ELMO1: variants seen among roughly 807,000 people sequenced by gnomAD.
ELMO1 encodes engulfment and cell motility protein 1.
Under a neutral mutation model 98.9 loss-of-function variants are expected in ELMO1, and 26 were observed. The observed-to-expected ratio is 0.26, with a 90% CI of 0.19 to 0.36. The LOEUF (loss-of-function observed/expected upper bound fraction) is 0.36. Among genes scored for constraint, ELMO1 ranks in the 10% least tolerant of loss-of-function variants. The probability of loss-of-function intolerance (pLI) is 1.00; values close to 1 mark genes in which losing one functional copy is unlikely to be tolerated. For synonymous variants in ELMO1, 346 were observed against 346.0 expected (o/e 1.00, Z 0.00); for missense variants, 627 against 935.2 (o/e 0.67, Z 4.30).
chr7:36,966,370 G>A (rs1344175547), intron 16 of ELMO1, among the ~76,000 whole-genome samples: 3 of 152,168 alleles, frequency 2.0e-5, no homozygotes, highest in Non-Finnish European at 4.4e-5. Flanking sequence ...GTGTAACACT[G>A]AATATTAAGA....
rs116973231 is a variant in ELMO1 at position 37,104,255 on chromosome 7, T to C, written c.1192-7528A>G. Among the ~76,000 whole-genome samples the C allele has an allele frequency of 2.6e-5, 4 of 151,294 alleles. No homozygotes were observed. The East Asian group carries it at 5.9e-4, about 22-fold the overall frequency. On this transcript the variant is annotated intron_variant, in intron 14 of 21. Transcript: ENST00000310758. ...GAAGAATATAATTGTTACTGTAAAA[T>C]ATATTTGGTGTGTTAAAATTATATG...
intron 15 of ELMO1, among the ~76,000 whole-genome samples, chr7:37,093,115 G>A (rs6946199): frequency 0.011 from 1,646 of 151,982 alleles, 27 homozygotes; most frequent in African/African-American, 0.038. Context: ...TTTGGACCAC[G>A]CTATTAGAGG....
intron 14 of ELMO1, chr7:37,116,742 G>A (rs2541103): frequency 0.12 from 18,530 of 151,814 alleles, 1,668 homozygotes; most frequent in African/African-American, 0.25. Flanking sequence ...TGCTAAGTAA[G>A]AAAGTCTGAA....
chr7:37,271,667 C>T (rs79055895), intron 5 of ELMO1, 165 bp downstream of exon 5: 30,487 of 680,446 alleles, frequency 0.045, 897 homozygotes, highest in African/African-American at 0.08. Flanking sequence ...AGTGGGAAAT[C>T]TACGGAGGGG....
chr7:37,057,705 G>A (rs1219695379), intron 15 of ELMO1, among the ~76,000 whole-genome samples: 2 of 152,116 alleles, frequency 1.3e-5, no homozygotes, highest in South Asian at 2.1e-4. Context: ...ACACACACAC[G>A]CACATGCCCA....
chr7:37,181,081 G>C (rs1790834404), intron 13 of ELMO1, among the ~76,000 whole-genome samples: 1 of 152,096 alleles, frequency 6.6e-6, no homozygotes, highest in Non-Finnish European at 1.5e-5. Context: ...TTAATTTTAT[G>C]TTATGTGAAT....
At chr7:36,959,834 C>A (rs1788794527) in intron 16 of ELMO1, among the ~76,000 whole-genome samples, 1 of 152,164 alleles carries the variant, frequency 6.6e-6, no homozygotes, top group African/African-American at 2.4e-5. Context: ...GCACGTGTGA[C>A]CATGCCTGCC....
chr7:37,394,089 C>T (rs1562662927), intron 1 of ELMO1, among the ~76,000 whole-genome samples: 1 of 152,022 alleles, frequency 6.6e-6, no homozygotes, highest in Non-Finnish European at 1.5e-5. Context: ...TCATTCATGC[C>T]ACTTATATTT....
At chr7:37,426,590 A>G (rs1264536476) in intron 1 of ELMO1, among the ~76,000 whole-genome samples, 2 of 152,208 alleles carry the variant, frequency 1.3e-5, no homozygotes, top group African/African-American at 4.8e-5. Flanking sequence ...TCTCCTTGTT[A>G]TTATTCACAA....
intron 13 of ELMO1, among the ~76,000 whole-genome samples, chr7:37,151,329 A>G (rs758607654): frequency 5.3e-5 from 8 of 152,058 alleles, no homozygotes; most frequent in Non-Finnish European, 8.8e-5. Context: ...GACCGTTCAC[A>G]CTACACTTCA....
intron 16 of ELMO1, among the ~76,000 whole-genome samples, chr7:37,005,667 G>A (rs532567605): frequency 6.9e-6 from 1 of 144,680 alleles, no homozygotes; most frequent in East Asian, 2.0e-4. Flanking sequence ...ACTCCAGCCT[G>A]GGTGACAAGA....
intron 16 of ELMO1, among the ~76,000 whole-genome samples, chr7:36,959,100 T>TGATG (rs1416820072): frequency 5.3e-5 from 8 of 152,128 alleles, no homozygotes; most frequent in African/African-American, 1.2e-4. Context: ...CATCAGTCTC[T>TGATG]CCCACCACAC....
chr7:37,184,439 T>C (rs1456296120), intron 13 of ELMO1, among the ~76,000 whole-genome samples: 3 of 152,308 alleles, frequency 2.0e-5, no homozygotes, highest in South Asian at 4.1e-4. Flanking sequence ...CAGGCACTAA[T>C]GCAACAACTG....
intron 16 of ELMO1, among the ~76,000 whole-genome samples, chr7:36,910,374 C>T (rs994394566): frequency 2.0e-5 from 3 of 152,188 alleles, no homozygotes; most frequent in African/African-American, 7.2e-5. Flanking sequence ...AGACCACTTC[C>T]ATTTCAAGGT....
At position 37,444,760 on chromosome 7, in the gene ELMO1, C is replaced by A. The variant is rs182913853; in HGVS notation, c.-74+3915G>T. Among the ~76,000 whole-genome samples, 1,499 of 152,302 alleles carry A rather than the reference C, an allele frequency of 9.8e-3. 14 individuals are homozygous for A. The highest frequency in any genetic ancestry group is 0.018 in the Admixed American group (281 of 15,306). On this transcript the variant is annotated intron_variant, in intron 1 of 21. Transcript: ENST00000310758. ...GGATCTCCTGACCTCGCAATCCACC[C>A]GCCTCGGACTCCCAAAGTGCTGGGA...
chr7:37,211,372 G>A lies in ELMO1; in HGVS notation c.1086+14C>T, dbSNP rs760213121. 8 of 1,613,904 alleles carry A rather than the reference G, an allele frequency of 5.0e-6. No homozygotes were observed. Among genetic ancestry groups the A allele is most frequent in the Non-Finnish European group, 6.8e-6 (8 of 1,179,858 alleles). On this transcript the variant is annotated intron_variant, in intron 13 of 21. Coordinates refer to ENST00000310758, the MANE Select transcript of ELMO1 (RefSeq NM_014800.11). The stretch of plus-strand genomic sequence containing the variant: ...GGCTGGAGGGAGAGCGCATACTGGA[G>A]ATAGCTTACTTACAATGAACCCAAG...
intron 13 of ELMO1, among the ~76,000 whole-genome samples, chr7:37,192,883 GAT>G (rs1273008541): frequency 2.2e-5 from 3 of 139,394 alleles, no homozygotes; most frequent in African/African-American, 8.0e-5. Flanking sequence ...GTTTATATAT[GAT>G]ATATATTTAT....
chr7:36,952,805 C>G (rs1788079099), intron 16 of ELMO1, among the ~76,000 whole-genome samples: 2 of 151,922 alleles, frequency 1.3e-5, no homozygotes, highest in South Asian at 2.1e-4. Context: ...AAAAAATACA[C>G]AGAGAGCAGA....
intron 14 of ELMO1, among the ~76,000 whole-genome samples, chr7:37,126,168 G>T (rs551269346): frequency 6.6e-6 from 1 of 151,858 alleles, no homozygotes; most frequent in East Asian, 1.9e-4. Context: ...GAGTGGGGAG[G>T]GATAGCATTA....
Sources: gnomAD v4.1 joint callset for allele counts (sites outside exome capture counted in the v4.1 genomes callset) on GRCh38, gnomAD v4.1.1 for gene constraint, MANE v1.5 for transcripts, NCBI Gene and HGNC (gene_info 2026-07-23, HGNC 2026-07-21) for gene names.